Variants in STX8 observed in about 807,000 individuals in gnomAD.
STX8 encodes syntaxin-8.
In STX8, 23 loss-of-function variants were observed where a neutral mutation model predicts 37.5. The observed-to-expected ratio is 0.61, with a 90% CI of 0.44 to 0.87. The LOEUF (loss-of-function observed/expected upper bound fraction) is 0.87, where lower values mean the gene tolerates loss of function less well. Ranked by LOEUF, STX8 falls within the 40% of genes least tolerant of loss-of-function variation. STX8 has a pLI of 0.00. For synonymous variants in STX8, 115 were observed against 99.1 expected (o/e 1.16, Z -0.95); for missense variants, 313 against 284.7 (o/e 1.10, Z -0.71).
chr17:9,512,849 C>T (rs1382121739), intron 4 of STX8, among the ~76,000 whole-genome samples: 2 of 152,142 alleles, frequency 1.3e-5, no homozygotes, highest in African/African-American at 4.8e-5. Flanking sequence ...AACCTGGACA[C>T]CCATCTATCA....
chr17:9,411,825 T>G (rs73259857), intron 6 of STX8, among the ~76,000 whole-genome samples: 2 of 152,290 alleles, frequency 1.3e-5, no homozygotes, highest in African/African-American at 4.8e-5. Context: ...TCTCTCAGCC[T>G]TTTTAGAAGC....
At chr17:9,315,711 C>G (rs1055701750) in intron 7 of STX8, among the ~76,000 whole-genome samples, 1 of 152,010 alleles carries the variant, frequency 6.6e-6, no homozygotes, top group African/African-American at 2.4e-5. Flanking sequence ...GCAGGATGGC[C>G]GGCCTACAAA....
intron 6 of STX8, among the ~76,000 whole-genome samples, chr17:9,459,923 C>CAA (rs1206756394): frequency 2.0e-5 from 3 of 152,196 alleles, no homozygotes; most frequent in African/African-American, 7.2e-5. Flanking sequence ...AAGGATGCTG[C>CAA]AGCTTTGCAG....
intron 7 of STX8, among the ~76,000 whole-genome samples, chr17:9,345,019 A>C (rs1910485460): frequency 6.6e-6 from 1 of 152,140 alleles, no homozygotes. Flanking sequence ...CTCAGGAGAC[A>C]GGTGATATGG....
intron 6 of STX8, among the ~76,000 whole-genome samples, chr17:9,414,145 T>A (rs1209399077): frequency 8.1e-5 from 2 of 24,676 alleles, no homozygotes; most frequent in Non-Finnish European, 1.8e-4. Flanking sequence ...CATCCATCCA[T>A]CCATCCATCC....
At chr17:9,257,570 G>A (rs1238177707) in intron 7 of STX8, among the ~76,000 whole-genome samples, 6 of 152,172 alleles carry the variant, frequency 3.9e-5, no homozygotes, top group African/African-American at 1.4e-4. Context: ...TGGCAAGTAG[G>A]CTGATGGGAA....
At chr17:9,327,982 CCTT>C (rs749037147) in intron 7 of STX8, among the ~76,000 whole-genome samples, 20 of 149,212 alleles carry the variant, frequency 1.3e-4, no homozygotes, top group Non-Finnish European at 2.1e-4. Context: ...CTCCTTCCTT[CCTT>C]CTTTTGTCTC....
chr17:9,472,041 T>A (rs1271845135), intron 6 of STX8, among the ~76,000 whole-genome samples: 2 of 150,248 alleles, frequency 1.3e-5, no homozygotes, highest in Non-Finnish European at 3.0e-5. Context: ...TAATATTAAA[T>A]CCTAAAAACA....
intron 7 of STX8, among the ~76,000 whole-genome samples, chr17:9,331,079 C>T (rs1028638104): frequency 6.6e-6 from 1 of 152,186 alleles, no homozygotes; most frequent in Non-Finnish European, 1.5e-5. Context: ...TCTTGTGTGT[C>T]GGAGAAGCCC....
intron 7 of STX8, among the ~76,000 whole-genome samples, chr17:9,261,221 C>T (rs920259727): frequency 6.6e-5 from 10 of 152,148 alleles, no homozygotes; most frequent in African/African-American, 2.4e-4. Flanking sequence ...GTGAGGCCGC[C>T]GCTTGGTCAG....
intron 7 of STX8, among the ~76,000 whole-genome samples, chr17:9,349,554 TA>T (rs1910638774): frequency 6.6e-6 from 1 of 152,058 alleles, no homozygotes; most frequent in African/African-American, 2.4e-5. Context: ...ACTCCTCACT[TA>T]AGGCGATCCA....
chr17:9,292,570 T>C (rs1182477170), intron 7 of STX8, among the ~76,000 whole-genome samples: 1 of 152,232 alleles, frequency 6.6e-6, no homozygotes. Context: ...TACCTGCTAA[T>C]GGCTAATCTC....
At chr17:9,364,291 A>G (rs1911155806) in intron 7 of STX8, among the ~76,000 whole-genome samples, 1 of 152,192 alleles carries the variant, frequency 6.6e-6, no homozygotes, top group Non-Finnish European at 1.5e-5. Context: ...AGATTACAGA[A>G]GCAGGTCTCC....
At chr17:9,352,150 T>TAA (rs551344446) in intron 7 of STX8, among the ~76,000 whole-genome samples, 4 of 111,144 alleles carry the variant, frequency 3.6e-5, no homozygotes, top group African/African-American at 6.6e-5. Flanking sequence ...AGATCCTGCC[T>TAA]AAAAAAAAAA....
chr17:9,574,662 G>A (rs984227775), intron 1 of STX8, among the ~76,000 whole-genome samples: 1 of 151,982 alleles, frequency 6.6e-6, no homozygotes, highest in Non-Finnish European at 1.5e-5. Flanking sequence ...AGTCTCCCGA[G>A]TAGCTGGGAT....
chr17:9,341,497 C>T (rs975739640), intron 7 of STX8, among the ~76,000 whole-genome samples: 10 of 152,128 alleles, frequency 6.6e-5, no homozygotes, highest in East Asian at 1.9e-4. Context: ...AGTGCAATGG[C>T]GTGATCTCGG....
In STX8 at chr17:9,557,540, AG is replaced by A. The variant is rs1486015611; in HGVS notation, c.118-13del. On this transcript the variant is annotated splice_polypyrimidine_tract_variant and intron_variant, in intron 2 of 7. Transcript: ENST00000306357. Reference sequence around the variant, plus strand: ...ATTGTCACGGTAAGCTGAAAAGAAAAGAACACATCCTAAGTATTCTAGTCCA... The same window carrying A: ...ATTGTCACGGTAAGCTGAAAAGAAAAAACACATCCTAAGTATTCTAGTCCA... The A allele has an allele frequency of 1.2e-6, 2 of 1,611,846 alleles. No homozygotes were observed. Among genetic ancestry groups the A allele is most frequent in the Middle Eastern group, 1.7e-4 (1 of 6,050 alleles).
At chr17:9,369,061 T>C (rs1030309892) in intron 7 of STX8, among the ~76,000 whole-genome samples, 1 of 152,148 alleles carries the variant, frequency 6.6e-6, no homozygotes, top group Non-Finnish European at 1.5e-5. Flanking sequence ...GCTGGGACTA[T>C]AGGCGTGAGC....
At chr17:9,389,146 C>T (rs1912118552) in intron 6 of STX8, among the ~76,000 whole-genome samples, 1 of 152,198 alleles carries the variant, frequency 6.6e-6, no homozygotes. Flanking sequence ...TAGACTTATA[C>T]TGCCACTGTT....
Sources: gnomAD v4.1 joint callset for allele counts (sites outside exome capture counted in the v4.1 genomes callset) on GRCh38, gnomAD v4.1.1 for gene constraint, MANE v1.5 for transcripts, NCBI Gene and HGNC (gene_info 2026-07-23, HGNC 2026-07-21) for gene names.